Variants in DENND1A observed in about 807,000 individuals in gnomAD.
DENND1A encodes DENN domain containing 1A.
Under a neutral mutation model 113.7 loss-of-function variants are expected in DENND1A, and 51 were observed. The observed-to-expected ratio is 0.45, with a 90% CI of 0.36 to 0.57. The LOEUF (loss-of-function observed/expected upper bound fraction) is 0.57. Among genes scored for constraint, DENND1A ranks in the 20% least tolerant of loss-of-function variants. The pLI is 0.00. For missense variants in DENND1A, 1,258 were observed against 1,395.9 expected (o/e 0.90, Z 1.57); for synonymous variants, 565 against 570.8 (o/e 0.99, Z 0.14).
At chr9:123,630,935 AT>A (rs2061449036) in intron 9 of DENND1A, among the ~76,000 whole-genome samples, 1 of 152,234 alleles carries the variant, frequency 6.6e-6, no homozygotes, top group Admixed American at 6.5e-5. Flanking sequence ...AATCCAGAAT[AT>A]TCTTTAAATA....
chr9:123,774,290 A>C (rs1369927042), intron 3 of DENND1A, among the ~76,000 whole-genome samples: 1 of 152,226 alleles, frequency 6.6e-6, no homozygotes, highest in Admixed American at 6.5e-5. Context: ...CACAAAATCC[A>C]AACATACAAA....
intron 2 of DENND1A, among the ~76,000 whole-genome samples, chr9:123,830,416 C>A (rs562014608): frequency 6.6e-6 from 1 of 150,940 alleles, no homozygotes; most frequent in African/African-American, 2.4e-5. Context: ...GTGTTAATTA[C>A]GCAGGTGTAT....
At chr9:123,636,697 CTTTT>C (rs112301152) in intron 9 of DENND1A, among the ~76,000 whole-genome samples, 4 of 119,648 alleles carry the variant, frequency 3.3e-5, no homozygotes, top group Admixed American at 8.4e-5. Context: ...GATTACCAGA[CTTTT>C]TTTTTTTTTT....
intron 8 of DENND1A, among the ~76,000 whole-genome samples, chr9:123,660,230 T>C (rs1589557414): frequency 6.6e-6 from 1 of 152,152 alleles, no homozygotes; most frequent in East Asian, 1.9e-4. Context: ...TGGAAGCATG[T>C]ACGGTAGGAG....
At chr9:123,656,041 C>T (rs1437584112) in intron 8 of DENND1A, among the ~76,000 whole-genome samples, 1 of 152,204 alleles carries the variant, frequency 6.6e-6, no homozygotes, top group Non-Finnish European at 1.5e-5. Flanking sequence ...GTGGTTGAGG[C>T]TACACTCCAG....
chr9:123,421,123 G>A (rs752711327), intron 19 of DENND1A, among the ~76,000 whole-genome samples: 1 of 147,970 alleles, frequency 6.8e-6, no homozygotes, highest in African/African-American at 2.5e-5. Flanking sequence ...GGAGGAGGGG[G>A]ACACGAGGTG....
chr9:123,601,943 A>G (rs998986359), intron 11 of DENND1A, among the ~76,000 whole-genome samples: 6 of 152,178 alleles, frequency 3.9e-5, no homozygotes, highest in African/African-American at 1.4e-4. Context: ...CACAGCACTG[A>G]GAAGGAAGAG....
At chr9:123,742,568 T>G (rs999540832) in intron 5 of DENND1A, among the ~76,000 whole-genome samples, 1 of 152,182 alleles carries the variant, frequency 6.6e-6, no homozygotes, top group African/African-American at 2.4e-5. Context: ...AGTTCATCCT[T>G]AGGGTAGACG....
At chr9:123,774,805 T>C (rs1830232926) in intron 3 of DENND1A, among the ~76,000 whole-genome samples, 1 of 152,162 alleles carries the variant, frequency 6.6e-6, no homozygotes, top group Admixed American at 6.5e-5. Context: ...AATGTTGTAA[T>C]TCAAAGATAA....
intron 21 of DENND1A, among the ~76,000 whole-genome samples, chr9:123,394,201 T>C (rs796779515): frequency 2.0e-5 from 3 of 152,198 alleles, no homozygotes; most frequent in South Asian, 2.1e-4. Context: ...TTTCACCATG[T>C]TGCCTAGGCT....
At chr9:123,818,567 CATAT>C (rs148656992) in intron 2 of DENND1A, among the ~76,000 whole-genome samples, 847 of 42,014 alleles carry the variant, frequency 0.02, 14 homozygotes, top group East Asian at 0.038. Flanking sequence ...CACACACACA[CATAT>C]ATATATATAT....
intron 19 of DENND1A, among the ~76,000 whole-genome samples, chr9:123,433,805 G>C (rs1019206112): frequency 6.6e-6 from 1 of 152,170 alleles, no homozygotes; most frequent in African/African-American, 2.4e-5. Context: ...CTCAAGGGAT[G>C]ATGGGCCCCT....
chr9:123,806,446 G>A (rs1026189425), intron 2 of DENND1A, among the ~76,000 whole-genome samples: 2 of 151,964 alleles, frequency 1.3e-5, no homozygotes, highest in African/African-American at 4.8e-5. Context: ...TAGTAGAGAC[G>A]GGGTTTCACC....
intron 2 of DENND1A, among the ~76,000 whole-genome samples, chr9:123,818,567 C>T (rs767552463): frequency 0.2 from 8,388 of 41,236 alleles, 618 homozygotes; most frequent in African/African-American, 0.27. Context: ...CACACACACA[C>T]ATATATATAT....
At chr9:123,446,426 C>G (rs990987840) in intron 18 of DENND1A, among the ~76,000 whole-genome samples, 1 of 152,182 alleles carries the variant, frequency 6.6e-6, no homozygotes, top group Non-Finnish European at 1.5e-5. Flanking sequence ...CCCGGCCCCA[C>G]GCATGCTTAC....
intron 13 of DENND1A, among the ~76,000 whole-genome samples, chr9:123,514,081 T>C (rs1237067378): frequency 1.5e-5 from 1 of 67,704 alleles, no homozygotes; most frequent in Non-Finnish European, 4.4e-5. Context: ...TGTGTGTGTG[T>C]GTGTGTGTGT....
intron 5 of DENND1A, among the ~76,000 whole-genome samples, chr9:123,743,519 G>T (rs2069198439): frequency 6.6e-6 from 1 of 152,060 alleles, no homozygotes; most frequent in South Asian, 2.1e-4. Context: ...ATCACCTGAG[G>T]TCAGGGGTTT....
intron 19 of DENND1A, among the ~76,000 whole-genome samples, chr9:123,435,359 C>T (rs1168312709): frequency 6.6e-6 from 1 of 152,170 alleles, no homozygotes; most frequent in Non-Finnish European, 1.5e-5. Flanking sequence ...TCTCCATACG[C>T]AGAGACAAGC....
intron 5 of DENND1A, among the ~76,000 whole-genome samples, chr9:123,701,353 A>G (rs2065872777): frequency 6.6e-6 from 1 of 152,230 alleles, no homozygotes; most frequent in Non-Finnish European, 1.5e-5. Context: ...AAGAGGGTAG[A>G]AAGGACAATT....
Sources: allele counts gnomAD v4.1 joint callset (sites outside exome capture counted in the v4.1 genomes callset), GRCh38; gene constraint gnomAD v4.1.1; transcripts MANE v1.5; gene names NCBI Gene and HGNC (gene_info 2026-07-23, HGNC 2026-07-21).